Variants in SQOR observed in about 807,000 individuals in gnomAD.
SQOR encodes the protein sulfide:quinone oxidoreductase, mitochondrial.
In SQOR, 39 loss-of-function variants were observed where a neutral mutation model predicts 48.6. The observed-to-expected ratio is 0.80, with a 90% CI of 0.62 to 1.05. The LOEUF (loss-of-function observed/expected upper bound fraction) is 1.05, where lower values mean the gene tolerates loss of function less well. Ranked by LOEUF, SQOR falls within the 50% of genes least tolerant of loss-of-function variation. The probability of loss-of-function intolerance (pLI) is 0.00; values close to 1 mark genes in which losing one functional copy is unlikely to be tolerated. For missense variants in SQOR, 561 were observed against 559.9 expected (o/e 1.00, Z -0.02); for synonymous variants, 220 against 206.2 (o/e 1.07, Z -0.57).
intron 1 of SQOR, among the ~76,000 whole-genome samples, chr15:45,658,385 G>A (rs1381677209): frequency 1.3e-5 from 2 of 152,210 alleles, no homozygotes; most frequent in South Asian, 2.1e-4. Flanking sequence ...GGTACTCTGA[G>A]TTGCAGAAGG....
upstream of SQOR, among the ~76,000 whole-genome samples, chr15:45,632,502 G>A (rs944697856): frequency 2.6e-5 from 4 of 151,846 alleles, no homozygotes; most frequent in African/African-American, 4.8e-5. Flanking sequence ...TTACAGGCAC[G>A]AGCCACCGCA....
chr15:45,649,700 C>T (rs1889427750), intron 1 of SQOR, among the ~76,000 whole-genome samples: 2 of 152,112 alleles, frequency 1.3e-5, no homozygotes, highest in East Asian at 1.9e-4. Flanking sequence ...CCAGGCTAGT[C>T]TCAAACTCCT....
intron 8 of SQOR, among the ~76,000 whole-genome samples, 163 bp from the exon 9 acceptor site, chr15:45,688,876 A>AT (rs562304322): frequency 0.011 from 1,701 of 151,686 alleles, 14 homozygotes; most frequent in Non-Finnish European, 0.016. Context: ...CATTAGTACT[A>AT]TTTTTTTTGT....
chr15:45,678,667 C>G (rs1424380408), intron 6 of SQOR, among the ~76,000 whole-genome samples: 1 of 152,046 alleles, frequency 6.6e-6, no homozygotes, highest in Non-Finnish European at 1.5e-5. Flanking sequence ...TGTAGTTATG[C>G]ACACAGAGGC....
chr15:45,654,679 A>G (rs1053911842), intron 1 of SQOR, among the ~76,000 whole-genome samples: 1 of 152,168 alleles, frequency 6.6e-6, no homozygotes, highest in African/African-American at 2.4e-5. Flanking sequence ...ACATGGACAC[A>G]CACAAGGAGT....
At position 45,682,516 on chromosome 15, in the gene SQOR, A is replaced by T; in HGVS notation, c.903A>T (p.Pro301=). 1 of 1,614,240 alleles carries T rather than the reference A, an allele frequency of 6.2e-7. No homozygotes were observed. Among genetic ancestry groups the T allele is most frequent in the Non-Finnish European group, 8.5e-7 (1 of 1,180,036 alleles). The change falls in exon 7 of 10, where the codon CCA becomes CCT. Residue 301 remains proline, a synonymous_variant. Transcript: ENST00000260324. ...ATGTCACACCTCCAATGAGCCCACC[A>T]GATGTCCTCAAGACCAGTCCTGTGG... ...MLHVTPPMSP[P]DVLKTSPVAD...
chr15:45,649,663 G>T (rs1566915278), intron 1 of SQOR, among the ~76,000 whole-genome samples: 1 of 151,628 alleles, frequency 6.6e-6, no homozygotes, highest in Non-Finnish European at 1.5e-5. Flanking sequence ...TTGTATTTTT[G>T]GTAGAGACAG....
At chr15:45,639,729 G>C (rs959127148) in intron 1 of SQOR, among the ~76,000 whole-genome samples, 7 of 152,238 alleles carry the variant, frequency 4.6e-5, no homozygotes, top group Non-Finnish European at 1.0e-4. Flanking sequence ...AGCTCTTCAA[G>C]ACAGTGCTGG....
chr15:45,688,927 T>C, intron 8 of SQOR, 112 bp from the exon 9 acceptor site: 3 of 884,496 alleles, frequency 3.4e-6, no homozygotes, highest in Non-Finnish European at 5.1e-6. Flanking sequence ...AGCTAGAATA[T>C]ACAGAAAAGA....
rs762256045 is a variant in SQOR, at chr15:45,673,784, G to C, written c.637G>C (p.Glu213Gln). 1.9e-6 allele frequency: 3 copies of C among 1,614,122 alleles called. No individual in the cohort carries two copies. Among genetic ancestry groups the C allele is most frequent in the Admixed American group, 1.7e-5 (1 of 60,024 alleles). ...GAPQKIMYLS[E>Q]AYFRKTGKRS... Reference sequence around the variant, plus strand: ...CCCTCAGAAGATCATGTACTTATCAGAAGCCTACTTCAGGAAGGTATGCTT... The same window carrying C: ...CCCTCAGAAGATCATGTACTTATCACAAGCCTACTTCAGGAAGGTATGCTT... The change falls in exon 5 of 10, where the codon GAA becomes CAA. Residue 213 changes from glutamate (E) to glutamine (Q), a missense_variant. Physicochemically the swap from Glu to Gln is conservative, Grantham distance 29. Coordinates refer to ENST00000260324, the MANE Select transcript of SQOR (RefSeq NM_021199.4).
intron 7 of SQOR, among the ~76,000 whole-genome samples, chr15:45,687,652 C>T (rs1256647661): frequency 6.6e-6 from 1 of 152,140 alleles, no homozygotes; most frequent in African/African-American, 2.4e-5. Flanking sequence ...TGAACATTTT[C>T]CTAATAAAAA....
intron 1 of SQOR, among the ~76,000 whole-genome samples, chr15:45,651,972 C>T (rs925503111): frequency 3.3e-5 from 5 of 150,272 alleles, no homozygotes; most frequent in African/African-American, 1.2e-4. Context: ...CACTGCAACC[C>T]CCCGCCTCCT....
rs943598659 is a variant in SQOR, at chr15:45,645,993, C to G, written c.-18+10885C>G. The G allele has an allele frequency of 2.0e-5, 3 of 152,310 alleles. No homozygotes were observed. In the East Asian group the frequency reaches 5.8e-4, roughly 29 times the overall value. 9.4% of individuals were successfully genotyped at this position (152,310 alleles called of 1,614,324 possible). On this transcript the variant is annotated intron_variant, in intron 1 of 9. Transcript: ENST00000260324. The stretch of plus-strand genomic sequence containing the variant: ...GAGATCGCAGAACAAAGGGTCCTGA[C>G]TCACCAAGGATACAGGTATTTGTTG...
chr15:45,685,178 C>G (rs1003286289), intron 7 of SQOR, among the ~76,000 whole-genome samples: 1 of 152,162 alleles, frequency 6.6e-6, no homozygotes, highest in Non-Finnish European at 1.5e-5. Flanking sequence ...GCTAATATTT[C>G]ACCTGTGTGA....
At chr15:45,686,671 A>C (rs1890231311) in intron 7 of SQOR, among the ~76,000 whole-genome samples, 1 of 152,224 alleles carries the variant, frequency 6.6e-6, no homozygotes, top group Non-Finnish European at 1.5e-5. Flanking sequence ...AATTTTTCTT[A>C]CAGAAAAAGT....
intron 4 of SQOR, among the ~76,000 whole-genome samples, chr15:45,672,244 T>C (rs1461776041): frequency 2.6e-5 from 4 of 152,128 alleles, no homozygotes; most frequent in Non-Finnish European, 1.5e-5. Context: ...TTCTTTAAGA[T>C]TCTGGGCAGG....
chr15:45,651,346 G>A (rs1023362752), intron 1 of SQOR, among the ~76,000 whole-genome samples: 2 of 152,052 alleles, frequency 1.3e-5, no homozygotes, highest in Non-Finnish European at 2.9e-5. Context: ...GTGCTGGCCC[G>A]CGAGCGTCGC....
intron 1 of SQOR, among the ~76,000 whole-genome samples, chr15:45,635,335 A>G (rs114140005): frequency 0.029 from 4,357 of 152,246 alleles, 194 homozygotes; most frequent in African/African-American, 0.1. Flanking sequence ...CTTCCTTCTC[A>G]GAGTGTCAGA....
At chr15:45,688,694 G>C (rs1890266827) in intron 8 of SQOR, among the ~76,000 whole-genome samples, 1 of 151,938 alleles carries the variant, frequency 6.6e-6, no homozygotes, top group Non-Finnish European at 1.5e-5. Context: ...TGTATTTTTA[G>C]TAGAGACAGG....
Sources: allele counts gnomAD v4.1 joint callset (sites outside exome capture counted in the v4.1 genomes callset), GRCh38; gene constraint gnomAD v4.1.1; transcripts MANE v1.5; gene names NCBI Gene and HGNC (gene_info 2026-07-23, HGNC 2026-07-21).